Variants in ZNF600 observed in about 807,000 individuals in gnomAD.
The protein encoded by ZNF600 is zinc finger protein 600.
A neutral mutation model predicts 7.3 loss-of-function variants in ZNF600; 4 were observed. The ratio of observed to expected loss-of-function variants is 0.55; its 90% CI spans 0.27 to 1.25. The LOEUF (loss-of-function observed/expected upper bound fraction) is 1.25, where lower values mean the gene tolerates loss of function less well. ZNF600 is among the 50% of genes most tolerant of loss of function. ZNF600 has a pLI of 0.12. For missense variants in ZNF600, 911 were observed against 922.1 expected, an observed-to-expected ratio of 0.99 and a Z score of 0.16; for synonymous variants, 290 against 308.9, an observed-to-expected ratio of 0.94 and a Z score of 0.64.
At chr19:52,814,012 ATTGT>A in the ZNF600 span, among the ~76,000 whole-genome samples, 3 of 146,292 alleles carry the variant, frequency 2.1e-5, no homozygotes, top group Admixed American at 6.9e-5. Flanking sequence ...GAAAATAAAA[ATTGT>A]TTGGACTTTT....
At chr19:52,821,203 C>T in the ZNF600 span, among the ~76,000 whole-genome samples, 155 of 152,058 alleles carry the variant, frequency 1.0e-3, no homozygotes, top group Non-Finnish European at 1.7e-3. Flanking sequence ...GCAGCCTTCC[C>T]GGGACTGGGG....
chr19:52,801,432 T>C, the ZNF600 span: 2 of 1,614,222 alleles, frequency 1.2e-6, no homozygotes, highest in African/African-American at 2.7e-5. Flanking sequence ...TCCAAGCTGA[T>C]CTTTAATATG....
At chr19:52,810,464 G>A in the ZNF600 span, 3 of 1,590,498 alleles carry the variant, frequency 1.9e-6, no homozygotes, top group South Asian at 2.2e-5. Context: ...CAAAGAGTCA[G>A]TGAGGACTTC....
intron 1 of ZNF600, among the ~76,000 whole-genome samples, chr19:52,785,896 C>T (rs890732777): frequency 3.9e-5 from 6 of 152,152 alleles, no homozygotes; most frequent in Non-Finnish European, 7.4e-5. Context: ...TACATTTCTC[C>T]AGTTGCTTTT....
chr19:52,768,945 G>A (rs1423445545), intron 3 of ZNF600, among the ~76,000 whole-genome samples: 1 of 152,084 alleles, frequency 6.6e-6, no homozygotes, highest in African/African-American at 2.4e-5. Context: ...CCTAAGAAAA[G>A]CCAGGCCATA....
chr19:52,801,138 G>T, the ZNF600 span: 7 of 1,613,898 alleles, frequency 4.3e-6, no homozygotes, highest in Admixed American at 1.7e-5. Flanking sequence ...TTCTAAGTGG[G>T]TTATCTGATG....
At chr19:52,818,153 A>C in the ZNF600 span, 5 of 1,051,856 alleles carry the variant, frequency 4.8e-6, no homozygotes, top group Non-Finnish European at 6.6e-6. Context: ...TGCCTACCGC[A>C]CCACGAACAA....
intron 1 of ZNF600, among the ~76,000 whole-genome samples, chr19:52,785,161 C>T (rs939235059): frequency 6.6e-6 from 1 of 151,918 alleles, no homozygotes; most frequent in African/African-American, 2.4e-5. Flanking sequence ...TTGTACCCCT[C>T]TCCTCTCCTG....
At chr19:52,825,951 G>A in the ZNF600 span, among the ~76,000 whole-genome samples, 54,461 of 152,124 alleles carry the variant, frequency 0.36, 12,614 homozygotes, top group Non-Finnish European at 0.52. Context: ...TTGCGCCACT[G>A]CGCTCCAGTC....
intron 1 of ZNF600, among the ~76,000 whole-genome samples, chr19:52,779,840 A>G (rs1234504331): frequency 2.6e-5 from 4 of 152,108 alleles, no homozygotes; most frequent in African/African-American, 9.7e-5. Flanking sequence ...CAAGAGGTGG[A>G]CACCAGCCAG....
chr19:52,831,337 T>G, the ZNF600 span, among the ~76,000 whole-genome samples: 54 of 152,072 alleles, frequency 3.6e-4, no homozygotes, highest in Admixed American at 9.8e-4. Context: ...TGAGATGGAG[T>G]GTCACTCTAT....
intron 2 of ZNF600, among the ~76,000 whole-genome samples, chr19:52,776,584 G>A (rs1366530292): frequency 6.6e-6 from 1 of 152,162 alleles, no homozygotes; most frequent in Non-Finnish European, 1.5e-5. Flanking sequence ...TCTAATTTTT[G>A]TATATTTAGC....
At chr19:52,810,425 T>C in the ZNF600 span, 1 of 1,601,908 alleles carries the variant, frequency 6.2e-7, no homozygotes, top group Non-Finnish European at 8.5e-7. Context: ...TTAGTGGCCA[T>C]CCCAAAGGGT....
At chr19:52,805,561 A>T in the ZNF600 span, 1 of 152,082 alleles carries the variant, frequency 6.6e-6, no homozygotes, top group South Asian at 2.1e-4. Flanking sequence ...CAGAAGGTGG[A>T]GGTTGCAGTG....
At chr19:52,772,922 C>T (rs1773958252) in intron 3 of ZNF600, among the ~76,000 whole-genome samples, 2 of 152,358 alleles carry the variant, frequency 1.3e-5, no homozygotes, top group South Asian at 4.1e-4. Context: ...TGAAGCCATC[C>T]CTCATGGATC....
chr19:52,783,812 C>T (rs1439449305), intron 1 of ZNF600, among the ~76,000 whole-genome samples: 1 of 151,894 alleles, frequency 6.6e-6, no homozygotes, highest in African/African-American at 2.4e-5. Flanking sequence ...GTTTTTTAGA[C>T]GGAGTTTCGC....
the ZNF600 span, among the ~76,000 whole-genome samples, chr19:52,816,647 G>T: frequency 8.5e-6 from 1 of 117,522 alleles, no homozygotes; most frequent in Admixed American, 9.0e-5. Context: ...CTGGGTGACA[G>T]AGTGAAAACA....
chr19:52,800,799 T>C, the ZNF600 span: 2 of 1,614,122 alleles, frequency 1.2e-6, no homozygotes, highest in Non-Finnish European at 1.7e-6. Context: ...CTCTCCAGTG[T>C]GAATTATAGT....
chr19:52,829,438 G>A, the ZNF600 span, among the ~76,000 whole-genome samples: 1 of 143,620 alleles, frequency 7.0e-6, no homozygotes, highest in Non-Finnish European at 1.5e-5. Context: ...GCAATGGCCT[G>A]ATCTTGGCTC....
Sources: gnomAD v4.1 joint callset for allele counts (sites outside exome capture counted in the v4.1 genomes callset) on GRCh38, gnomAD v4.1.1 for gene constraint, MANE v1.5 for transcripts, NCBI Gene and HGNC (gene_info 2026-07-23, HGNC 2026-07-21) for gene names.